Variants in ABCG1 observed in about 807,000 individuals in gnomAD.
ABCG1 encodes ATP-binding cassette sub-family G member 1.
In ABCG1, 29 loss-of-function variants were observed where a neutral mutation model predicts 69.2. That is an observed-to-expected ratio of 0.42 (90% CI 0.31 to 0.57). The LOEUF (loss-of-function observed/expected upper bound fraction) is 0.57, where lower values mean the gene tolerates loss of function less well. Among genes scored for constraint, ABCG1 ranks in the 20% least tolerant of loss-of-function variants. The pLI, the probability that ABCG1 is intolerant of heterozygous loss-of-function variation, is 0.15. For missense variants in ABCG1, 718 were observed against 898.1 expected (o/e 0.80, Z 2.56); for synonymous variants, 370 against 374.8 (o/e 0.99, Z 0.15).
chr21:42,282,333 C>G lies in ABCG1; in HGVS notation c.648C>G (p.Ser216Arg). Residue 216 changes from serine to arginine, a missense_variant, in exon 6 of 15, where the codon AGC becomes AGG. Ser to Arg is a moderately radical substitution (Grantham distance 110). Coordinates refer to ENST00000398449, the MANE Select transcript of ABCG1 (RefSeq NM_016818.3). ...CTTGCGCCAACACGCGGACCGGGAGCCTGTCAGGTGGTCAGCGCAAGCGCC... is the reference window on the plus strand; with the variant it reads ...CTTGCGCCAACACGCGGACCGGGAGGCTGTCAGGTGGTCAGCGCAAGCGCC... ...LLSCANTRTG[S>R]LSGGQRKRLA... 6.2e-7 allele frequency: 1 copy of G among 1,613,642 alleles called. No individual in the cohort carries two copies. Among genetic ancestry groups the G allele is most frequent in the Non-Finnish European group, 8.5e-7 (1 of 1,180,034 alleles).
chr21:42,229,966 C>A (rs920150315), intron 2 of ABCG1, among the ~76,000 whole-genome samples: 1 of 152,136 alleles, frequency 6.6e-6, no homozygotes, highest in African/African-American at 2.4e-5. Context: ...GCGATACAAA[C>A]GCAACATACA....
chr21:42,200,596 C>CTTTTT lies in ABCG1; in HGVS notation c.-100+758_-100+762dup, dbSNP rs200131320. Reference sequence around the variant, plus strand: ...TCAAATGCAATACTTTTATGTTGCACTTTTTTTTTTTTTTTAGACGGAGTC... The same window carrying CTTTTT: ...TCAAATGCAATACTTTTATGTTGCACTTTTTTTTTTTTTTTTTTTTAGACGGAGTC... On this transcript the variant is annotated intron_variant, in intron 1 of 15. Transcript: ENST00000398457. Among the ~76,000 whole-genome samples the CTTTTT allele has an allele frequency of 1.2e-3, 162 of 138,690 alleles. 1 individual carries two copies. Among genetic ancestry groups the CTTTTT allele is most frequent in the African/African-American group, 2.5e-3 (92 of 36,940 alleles). 91.0% of individuals were successfully genotyped at this position (138,690 alleles called of 152,430 possible).
chr21:42,243,481 TGTGTGTGTGC>T (rs1296031019), intron 2 of ABCG1, among the ~76,000 whole-genome samples: 122 of 150,562 alleles, frequency 8.1e-4, no homozygotes, highest in African/African-American at 2.9e-3. Context: ...TGTGTGTGTG[TGTGTGTGTGC>T]GCTGGTTTAT....
At position 42,290,988 on chromosome 21, in the gene ABCG1, G is replaced by A. The variant is rs914270491; in HGVS notation, c.1394-104G>A. 11 of 817,396 alleles carry A rather than the reference G, an allele frequency of 1.3e-5. No individual in the cohort carries two copies. In the South Asian group the frequency reaches 1.7e-4, roughly 12 times the overall value. 50.6% of individuals were successfully genotyped at this position (817,396 alleles called of 1,614,324 possible). ...TTCAATCTCTCAGTGCCCTAGGCCA[G>A]AGCTGGGTTACCAGCCGCTCAGCTC... On this transcript the variant is annotated intron_variant, in intron 11 of 14. Coordinates refer to ENST00000398449, the MANE Select transcript of ABCG1 (RefSeq NM_016818.3).
At chr21:42,258,651 C>A (rs2068351152) in intron 2 of ABCG1, among the ~76,000 whole-genome samples, 2 of 152,142 alleles carry the variant, frequency 1.3e-5, no homozygotes. Context: ...ATCCCTCCAT[C>A]CATCCCTCCA....
At chr21:42,259,812 C>A (rs905728100) in intron 2 of ABCG1, among the ~76,000 whole-genome samples, 2 of 152,200 alleles carry the variant, frequency 1.3e-5, no homozygotes, top group African/African-American at 4.8e-5. Flanking sequence ...CTCATTAGCC[C>A]ATTCCCTCCT....
intron 2 of ABCG1, among the ~76,000 whole-genome samples, chr21:42,231,596 C>G (rs1349834101): frequency 3.3e-5 from 5 of 152,240 alleles, no homozygotes. Flanking sequence ...TGGAAGGCAT[C>G]ATGAATAAAT....
chr21:42,291,558 G>A lies in ABCG1; in HGVS notation c.1555G>A (p.Ala519Thr), dbSNP rs755336578. The A allele has an allele frequency of 1.3e-5, 21 of 1,613,410 alleles. No homozygotes were observed. Among genetic ancestry groups the A allele is most frequent in the South Asian group, 1.1e-4 (10 of 91,082 alleles). The change falls in exon 13 of 15, where the codon GCC (alanine) becomes ACC (threonine). Residue 519 changes from alanine (A) to threonine (T), a missense_variant. By Grantham distance (58) the Ala-to-Thr change is moderately conservative (BLOSUM62 0). Coordinates refer to ENST00000398449, the MANE Select transcript of ABCG1 (RefSeq NM_016818.3). The surrounding 1 kb of genome is among the most constrained non-coding windows in gnomAD (Gnocchi z 6.4). ...CTGGATGACGTCGCAGCCGTCCGAC[G>A]CCGTGCGCTTTGTGCTGTTTGCCGC... ...VYWMTSQPSDAVRFVLFAALG... is the reference protein window; with the variant it reads ...VYWMTSQPSDTVRFVLFAALG...
Position 42,219,738 on chromosome 21 carries a change from G to A in ABCG1, c.42+434G>A, listed in dbSNP as rs2067690679. The A allele has an allele frequency of 1.1e-5, 14 of 1,271,464 alleles. 1 individual carries two copies. The South Asian group carries it at 2.2e-4, about 20-fold the overall frequency. 78.8% of individuals were successfully genotyped at this position (1,271,464 alleles called of 1,614,324 possible). A position where few individuals can be genotyped will look rare whatever the true frequency, so the allele number is the denominator to read the frequency against. ...CCGCGCGCGCGGCTGTGGGCTTGGGGACCGGGGACTTCTCGCGCCATCCCC... is the reference window on the plus strand; with the variant it reads ...CCGCGCGCGCGGCTGTGGGCTTGGGAACCGGGGACTTCTCGCGCCATCCCC... On this transcript the variant is annotated intron_variant, in intron 1 of 14. Coordinates refer to ENST00000398449, the MANE Select transcript of ABCG1 (RefSeq NM_016818.3). This position sits in a 1 kb window ranked among gnomAD's most constrained non-coding sequence, Gnocchi z 5.3.
At chr21:42,293,836 C>T (rs1200097239) in intron 13 of ABCG1, among the ~76,000 whole-genome samples, 2 of 151,120 alleles carry the variant, frequency 1.3e-5, no homozygotes, top group African/African-American at 2.4e-5. Context: ...ACTGCGCACA[C>T]AGACTACACA....
intron 3 of ABCG1, 27 bp downstream of exon 3, chr21:42,271,214 G>T: frequency 6.9e-7 from 1 of 1,441,234 alleles, no homozygotes; most frequent in Non-Finnish European, 9.3e-7. Context: ...AGGGCGCAAA[G>T]TTCTCTCCCG....
intron 2 of ABCG1, among the ~76,000 whole-genome samples, chr21:42,260,606 G>C (rs981371792): frequency 1.3e-5 from 2 of 152,170 alleles, no homozygotes; most frequent in Admixed American, 1.3e-4. Flanking sequence ...CAGTGCAGCA[G>C]GATGGACTTC....
chr21:42,209,667 T>G (rs751163217), intron 2 of ABCG1, among the ~76,000 whole-genome samples: 1 of 152,230 alleles, frequency 6.6e-6, no homozygotes, highest in African/African-American at 2.4e-5. Flanking sequence ...GACTGAAATC[T>G]AATTCATACT....
chr21:42,211,347 A>G (rs960533293), upstream of ABCG1, among the ~76,000 whole-genome samples: 2 of 151,946 alleles, frequency 1.3e-5, no homozygotes, highest in Non-Finnish European at 2.9e-5. Flanking sequence ...CTCCCTGATG[A>G]CATGGTCTCT....
chr21:42,234,648 T>C (rs2067950265), intron 2 of ABCG1, among the ~76,000 whole-genome samples: 4 of 152,192 alleles, frequency 2.6e-5, no homozygotes. Flanking sequence ...GCCCACTAAG[T>C]GTCAGCTCTA....
Position 42,287,314 on chromosome 21 carries a change from G to T in ABCG1, c.974-575G>T, listed in dbSNP as rs1023203185. ...GGTGGAGTGGGGAGGTGACGATTGG[G>T]ATGCGAGAGGCAGGAGCAGCGGGCA... On this transcript the variant is annotated intron_variant, in intron 8 of 14. Transcript: ENST00000398449. This position sits in a 1 kb window ranked among gnomAD's most constrained non-coding sequence, Gnocchi z 6.2. Among the ~76,000 whole-genome samples the T allele has an allele frequency of 9.2e-5, 14 of 152,168 alleles. No homozygotes were observed. The highest frequency in any genetic ancestry group is 2.1e-4 in the Non-Finnish European group (14 of 68,022).
chr21:42,219,532 T>C lies in ABCG1; in HGVS notation c.42+228T>C, dbSNP rs189490790. Among the ~76,000 whole-genome samples the C allele has an allele frequency of 1.3e-5, 2 of 152,164 alleles. No individual in the cohort carries two copies. Among genetic ancestry groups the C allele is most frequent in the Non-Finnish European group, 2.9e-5 (2 of 67,980 alleles). ...CCTTGCACCGGCAGAGAGCACGGAC[T>C]AGGTGGAGGGGCCGGGAGTGGGGCG... On this transcript the variant is annotated intron_variant, in intron 1 of 14. Coordinates refer to ENST00000398449, the MANE Select transcript of ABCG1 (RefSeq NM_016818.3). This position sits in a 1 kb window ranked among gnomAD's most constrained non-coding sequence, Gnocchi z 5.3.
At chr21:42,265,973 T>A (rs1231928158) in intron 2 of ABCG1, among the ~76,000 whole-genome samples, 1 of 152,194 alleles carries the variant, frequency 6.6e-6, no homozygotes, top group Non-Finnish European at 1.5e-5. Context: ...ATAAGTGGGC[T>A]TGCTCTTGGT....
At chr21:42,234,849 G>C (rs2067954543) in intron 2 of ABCG1, among the ~76,000 whole-genome samples, 1 of 151,276 alleles carries the variant, frequency 6.6e-6, no homozygotes, top group Non-Finnish European at 1.5e-5. Context: ...TGCCGCGCGT[G>C]TGCAGCGCCC....
Sources: allele counts gnomAD v4.1 joint callset (sites outside exome capture counted in the v4.1 genomes callset), GRCh38; gene constraint gnomAD v4.1.1; non-coding constraint Gnocchi (gnomAD v3.1); transcripts MANE v1.5; gene names NCBI Gene and HGNC (gene_info 2026-07-23, HGNC 2026-07-21).